Variants in NHSL1 observed in about 807,000 individuals in gnomAD.
The protein encoded by NHSL1 is NHS-like protein 1.
In NHSL1, 48 loss-of-function variants were observed where a neutral mutation model predicts 95.0. That is an observed-to-expected ratio of 0.51 (90% CI 0.40 to 0.64). The LOEUF is 0.64. Ranked by LOEUF, NHSL1 falls within the 30% of genes least tolerant of loss-of-function variation. NHSL1 has a pLI of 0.00. For missense variants in NHSL1, 1,971 were observed against 2,077.7 expected, an observed-to-expected ratio of 0.95 and a Z score of 1.00; for synonymous variants, 783 against 833.9, an observed-to-expected ratio of 0.94 and a Z score of 1.05.
chr6:138,622,537 C>G (rs1235127947), intron 1 of NHSL1, among the ~76,000 whole-genome samples: 1 of 152,030 alleles, frequency 6.6e-6, no homozygotes, highest in African/African-American at 2.4e-5. Context: ...GGGGGTGTTT[C>G]ATGAGGGTAC....
intron 1 of NHSL1, among the ~76,000 whole-genome samples, chr6:138,511,797 A>T (rs9389587): frequency 6.6e-6 from 1 of 152,250 alleles, no homozygotes; most frequent in East Asian, 1.9e-4. Context: ...TTAGCAGAGC[A>T]CAGTGGCACA....
chr6:138,514,836 T>C (rs552989333), intron 1 of NHSL1, among the ~76,000 whole-genome samples: 1 of 152,178 alleles, frequency 6.6e-6, no homozygotes, highest in South Asian at 2.1e-4. Flanking sequence ...AGTGGGAGGA[T>C]AGCTTGAGCC....
intron 3 of NHSL1, among the ~76,000 whole-genome samples, chr6:138,463,816 T>C (rs75500449): frequency 0.039 from 5,975 of 152,270 alleles, 189 homozygotes; most frequent in South Asian, 0.11. Context: ...GCTCTAATGA[T>C]GACTCTCAGA....
intron 5 of NHSL1, among the ~76,000 whole-genome samples, chr6:138,438,352 A>T (rs1776318425): frequency 1.3e-5 from 2 of 151,370 alleles, no homozygotes; most frequent in African/African-American, 4.9e-5. Context: ...TACACTGTAC[A>T]TTTTTTTTTA....
rs141992682 is a variant in NHSL1 at position 138,464,526 on chromosome 6, G to A, written c.339+8780C>T. Reference sequence around the variant, plus strand: ...CATCTCAGCAGCATTTGCACTTAGCGCTAAACAAATTCTGTCTCTGTGATT... The same window carrying A: ...CATCTCAGCAGCATTTGCACTTAGCACTAAACAAATTCTGTCTCTGTGATT... On this transcript the variant is annotated intron_variant, in intron 3 of 7. Coordinates refer to ENST00000343505, the MANE Select transcript of NHSL1 (RefSeq NM_001144060.2). The A allele has an allele frequency of 7.0e-3, 1,311 of 188,626 alleles. 8 individuals carry two copies. The highest frequency in any genetic ancestry group is 0.033 in the South Asian group (193 of 5,890). 11.7% of individuals were successfully genotyped at this position (188,626 alleles called of 1,614,324 possible).
chr6:138,479,373 C>T (rs1284648712), intron 2 of NHSL1, among the ~76,000 whole-genome samples: 1 of 152,172 alleles, frequency 6.6e-6, no homozygotes, highest in African/African-American at 2.4e-5. Flanking sequence ...CAGCATTACT[C>T]CTCTTGTCCT....
intron 1 of NHSL1, among the ~76,000 whole-genome samples, chr6:138,659,413 T>C (rs1785197636): frequency 6.6e-6 from 1 of 152,126 alleles, no homozygotes; most frequent in South Asian, 2.1e-4. Context: ...CTACTGAACA[T>C]ATTTTGAAAT....
intron 1 of NHSL1, among the ~76,000 whole-genome samples, chr6:138,646,336 A>C (rs1359120613): frequency 6.6e-6 from 1 of 152,126 alleles, no homozygotes; most frequent in Non-Finnish European, 1.5e-5. Context: ...TATTGAAAAG[A>C]CTCAGCATAT....
At chr6:138,560,458 T>G (rs1265138884) in intron 1 of NHSL1, among the ~76,000 whole-genome samples, 1 of 152,060 alleles carries the variant, frequency 6.6e-6, no homozygotes, top group Admixed American at 6.6e-5. Flanking sequence ...GGACAAAGAG[T>G]TGGACTTGGG....
chr6:138,534,576 A>G (rs1485779106), intron 1 of NHSL1, among the ~76,000 whole-genome samples: 1 of 152,236 alleles, frequency 6.6e-6, no homozygotes, highest in Admixed American at 6.5e-5. Context: ...CTGCTCCAAC[A>G]TTTAAGTTAG....
chr6:138,682,410 C>T (rs1227748032), intron 1 of NHSL1, among the ~76,000 whole-genome samples: 1 of 152,146 alleles, frequency 6.6e-6, no homozygotes. Flanking sequence ...CAGAAACTTA[C>T]ATTCAGCTTT....
At chr6:138,439,592 T>C (rs1171242381) in intron 5 of NHSL1, among the ~76,000 whole-genome samples, 1 of 152,226 alleles carries the variant, frequency 6.6e-6, no homozygotes, top group Non-Finnish European at 1.5e-5. Flanking sequence ...TGTTAACTCC[T>C]CATTCTATCC....
intron 1 of NHSL1, among the ~76,000 whole-genome samples, chr6:138,668,186 G>A (rs959893027): frequency 7.2e-5 from 11 of 152,136 alleles, no homozygotes; most frequent in East Asian, 1.9e-4. Context: ...AGTAGCTCAC[G>A]CCTGCAATCC....
At chr6:138,658,777 G>C (rs562952994) in intron 1 of NHSL1, among the ~76,000 whole-genome samples, 2 of 152,220 alleles carry the variant, frequency 1.3e-5, no homozygotes, top group East Asian at 3.9e-4. Context: ...GAGATTAAAG[G>C]AATTGTAAAT....
At chr6:138,562,931 CA>C (rs1348278205) in intron 1 of NHSL1, among the ~76,000 whole-genome samples, 1 of 152,160 alleles carries the variant, frequency 6.6e-6, no homozygotes, top group Non-Finnish European at 1.5e-5. Flanking sequence ...GGCTAGACTT[CA>C]AAGGGCTTCA....
intron 5 of NHSL1, among the ~76,000 whole-genome samples, chr6:138,440,625 A>G (rs1195362455): frequency 6.6e-6 from 1 of 151,816 alleles, no homozygotes; most frequent in Non-Finnish European, 1.5e-5. Flanking sequence ...GGCAGAGCAT[A>G]TATACTACAA....
chr6:138,501,944 T>A (rs77613632), upstream of NHSL1, among the ~76,000 whole-genome samples: 11 of 152,218 alleles, frequency 7.2e-5, no homozygotes, highest in Admixed American at 2.6e-4. Flanking sequence ...GTATTTTTTT[T>A]ATTGCTGCAT....
In NHSL1 at chr6:138,432,077, G is replaced by A. The variant is rs1775721677; in HGVS notation, c.2268C>T (p.Val756=). 1 of 1,551,576 alleles carries A rather than the reference G, an allele frequency of 6.4e-7. No homozygotes were observed. The highest frequency in any genetic ancestry group is 1.2e-5 in the South Asian group (1 of 84,070). The part of the protein sequence containing the change: ...SSMTSATTPN[V]YSLCGATPSQ... ...ATGGCGTGGCCCCGCACAGGGAGTA[G>A]ACATTGGGGGTGGTGGCGGAAGTCA... The change falls in exon 6 of 8, where the codon GTC becomes GTT. Residue 756 remains valine (V), a synonymous_variant. Coordinates refer to ENST00000343505, the MANE Select transcript of NHSL1 (RefSeq NM_001144060.2). The surrounding 1 kb of genome is among the most constrained non-coding windows in gnomAD (Gnocchi z 4.4).
chr6:138,438,084 TCTA>T (rs1583167056), intron 5 of NHSL1, among the ~76,000 whole-genome samples: 1 of 152,230 alleles, frequency 6.6e-6, no homozygotes, highest in Admixed American at 6.5e-5. Context: ...TTAAAGTAGT[TCTA>T]CTGTCGGTAA....
Sources: allele counts gnomAD v4.1 joint callset (sites outside exome capture counted in the v4.1 genomes callset), GRCh38; gene constraint gnomAD v4.1.1; non-coding constraint Gnocchi (gnomAD v3.1); transcripts MANE v1.5; gene names NCBI Gene and HGNC (gene_info 2026-07-23, HGNC 2026-07-21).